LMBR1: variants seen among roughly 807,000 people sequenced by gnomAD.
LMBR1 encodes limb region 1 protein homolog.
Under a neutral mutation model 73.9 loss-of-function variants are expected in LMBR1, and 52 were observed. The ratio of observed to expected loss-of-function variants is 0.70; its 90% CI spans 0.56 to 0.89. The LOEUF is 0.89. Among genes scored for constraint, LMBR1 ranks in the 40% least tolerant of loss-of-function variants. The pLI is 0.00. For missense variants in LMBR1, 539 were observed against 579.8 expected (o/e 0.93, Z 0.72); for synonymous variants, 215 against 209.4 (o/e 1.03, Z -0.23).
intron 9 of LMBR1, chr7:156,747,853 T>C (rs1257090844): frequency 6.6e-6 from 1 of 152,226 alleles, no homozygotes; most frequent in East Asian, 1.9e-4. Flanking sequence ...ACAACTTTGT[T>C]GTTAAAGCCC....
intron 4 of LMBR1, among the ~76,000 whole-genome samples, chr7:156,807,363 T>C (rs1832324660): frequency 6.6e-6 from 1 of 152,246 alleles, no homozygotes; most frequent in African/African-American, 2.4e-5. Flanking sequence ...TAAAGCTTTA[T>C]TTGTGAGAAT....
intron 1 of LMBR1, among the ~76,000 whole-genome samples, chr7:156,841,564 C>T (rs1333645912): frequency 6.6e-6 from 1 of 152,048 alleles, no homozygotes; most frequent in East Asian, 1.9e-4. Context: ...AGGAGGCAAA[C>T]CAAGAGACTA....
intron 15 of LMBR1, among the ~76,000 whole-genome samples, chr7:156,715,198 C>T (rs973078184): frequency 2.6e-5 from 4 of 152,068 alleles, no homozygotes; most frequent in Admixed American, 2.0e-4. Context: ...GTGACCTGCC[C>T]GCTTCGGCCT....
At chr7:156,718,551 C>G (rs7791499) in intron 15 of LMBR1, among the ~76,000 whole-genome samples, 80,678 of 151,934 alleles carry the variant, frequency 0.53, 21,510 homozygotes, top group East Asian at 0.65. Flanking sequence ...TGGCAAAACC[C>G]CGTCTCTACA....
intron 15 of LMBR1, among the ~76,000 whole-genome samples, chr7:156,711,858 G>T (rs1438433413): frequency 6.6e-6 from 1 of 152,136 alleles, no homozygotes; most frequent in Non-Finnish European, 1.5e-5. Flanking sequence ...ACTCAAGATG[G>T]ATTAAAGACT....
At chr7:156,796,872 T>C (rs917413971) in intron 4 of LMBR1, among the ~76,000 whole-genome samples, 24 of 152,342 alleles carry the variant, frequency 1.6e-4, no homozygotes, top group African/African-American at 5.8e-4. Flanking sequence ...TTTACATGCA[T>C]AATCCCATTT....
At chr7:156,844,109 G>A (rs1449863643) in intron 1 of LMBR1, among the ~76,000 whole-genome samples, 2 of 152,064 alleles carry the variant, frequency 1.3e-5, no homozygotes, top group African/African-American at 2.4e-5. Flanking sequence ...TGGATCACCT[G>A]AGGTCAAAAG....
At chr7:156,778,117 C>T (rs1476288124) in intron 5 of LMBR1, among the ~76,000 whole-genome samples, 1 of 152,208 alleles carries the variant, frequency 6.6e-6, no homozygotes, top group Non-Finnish European at 1.5e-5. Flanking sequence ...CATTCAGAAA[C>T]ATTTAGCCAA....
At chr7:156,812,997 C>G (rs1833358549) in intron 4 of LMBR1, among the ~76,000 whole-genome samples, 1 of 152,186 alleles carries the variant, frequency 6.6e-6, no homozygotes, top group Non-Finnish European at 1.5e-5. Flanking sequence ...TCTCAAAAAC[C>G]TAGTCATTTC....
chr7:156,803,023 T>C (rs1395890308), intron 4 of LMBR1, among the ~76,000 whole-genome samples: 1 of 152,168 alleles, frequency 6.6e-6, no homozygotes, highest in Non-Finnish European at 1.5e-5. Context: ...AAGACTTACA[T>C]GTTAGACCTA....
chr7:156,733,325 T>C (rs1817222076), intron 10 of LMBR1, among the ~76,000 whole-genome samples: 1 of 152,002 alleles, frequency 6.6e-6, no homozygotes, highest in Non-Finnish European at 1.5e-5. Flanking sequence ...AATCAAAACA[T>C]ATCAAGAACT....
chr7:156,874,230 G>A (rs1000631868), intron 1 of LMBR1, among the ~76,000 whole-genome samples: 20 of 152,238 alleles, frequency 1.3e-4, no homozygotes, highest in South Asian at 4.1e-4. Flanking sequence ...CACACCCTCC[G>A]CAGCCACTGG....
intron 10 of LMBR1, among the ~76,000 whole-genome samples, chr7:156,732,088 G>A (rs1485868373): frequency 2.6e-5 from 4 of 151,872 alleles, no homozygotes; most frequent in South Asian, 2.1e-4. Flanking sequence ...AATGAACATC[G>A]TATTTGATTT....
At chr7:156,754,758 G>T (rs1177515774) in intron 9 of LMBR1, among the ~76,000 whole-genome samples, 1 of 151,892 alleles carries the variant, frequency 6.6e-6, no homozygotes, top group Admixed American at 6.6e-5. Context: ...TGAAGAAATG[G>T]TAAGTCGTGA....
chr7:156,696,063 A>G (rs944983577), intron 15 of LMBR1, among the ~76,000 whole-genome samples: 1 of 152,206 alleles, frequency 6.6e-6, no homozygotes, highest in African/African-American at 2.4e-5. Context: ...AATTAACTCA[A>G]AGTGAGTCAT....
chr7:156,763,494 A>T (rs569255133), intron 6 of LMBR1, among the ~76,000 whole-genome samples, 175 bp downstream of exon 6: 2 of 152,282 alleles, frequency 1.3e-5, no homozygotes, highest in Admixed American at 1.3e-4. Flanking sequence ...CATATAAAAT[A>T]AATAAAACTT....
intron 15 of LMBR1, among the ~76,000 whole-genome samples, chr7:156,690,330 C>A (rs915170265): frequency 1.3e-5 from 2 of 152,170 alleles, no homozygotes; most frequent in Non-Finnish European, 2.9e-5. Flanking sequence ...TTCACACAGT[C>A]CAACGACTTA....
At chr7:156,806,705 A>T (rs1045343865) in intron 4 of LMBR1, among the ~76,000 whole-genome samples, 1 of 138,698 alleles carries the variant, frequency 7.2e-6, no homozygotes, top group African/African-American at 2.7e-5. Flanking sequence ...TCCACCTCCC[A>T]GGTTCAAGCA....
At position 156,682,292 on chromosome 7, in the gene LMBR1, G is replaced by GT. The variant is rs35765850; in HGVS notation, c.*1785dup. 0.059 allele frequency: 9,038 copies of GT among 152,266 alleles called. 336 individuals are homozygous for GT. Among genetic ancestry groups the GT allele is most frequent in the African/African-American group, 0.096 (3,991 of 41,538 alleles). The allele number at this position is 152,266 out of a possible 1,614,324, so 9.4% of individuals were successfully genotyped here. ...CTCTTTGGATGTGCCTGAAAGTGGTGTAAGTGAGAAGTGATATTACTCTAC... is the reference window on the plus strand; with the variant it reads ...CTCTTTGGATGTGCCTGAAAGTGGTGTTAAGTGAGAAGTGATATTACTCTAC... On this transcript the variant is annotated 3_prime_UTR_variant, in exon 17 of 17. Coordinates refer to ENST00000353442, the MANE Select transcript of LMBR1 (RefSeq NM_022458.4).
Sources: gnomAD v4.1 joint callset for allele counts (sites outside exome capture counted in the v4.1 genomes callset) on GRCh38, gnomAD v4.1.1 for gene constraint, MANE v1.5 for transcripts, NCBI Gene and HGNC (gene_info 2026-07-23, HGNC 2026-07-21) for gene names.